ABTB2: variants seen among roughly 807,000 people sequenced by gnomAD.
The protein encoded by ABTB2 is ankyrin repeat and BTB/POZ domain-containing protein 2.
Under a neutral mutation model 104.1 loss-of-function variants are expected in ABTB2, and 56 were observed. The observed-to-expected ratio is 0.54, with a 90% confidence interval of 0.43 to 0.67. ABTB2 has a LOEUF of 0.67. ABTB2 is among the 30% of genes least tolerant of loss of function. The probability of loss-of-function intolerance (pLI) is 0.00; values close to 1 mark genes in which losing one functional copy is unlikely to be tolerated. For synonymous variants in ABTB2, 606 were observed against 608.2 expected (o/e 1.00, Z 0.05); for missense variants, 1,279 against 1,407.7 (o/e 0.91, Z 1.46).
chr11:34,164,131 G>GCTTTTCCAGCCCCA (rs1554980065), intron 9 of ABTB2, among the ~76,000 whole-genome samples: 5 of 149,738 alleles, frequency 3.3e-5, no homozygotes, highest in South Asian at 2.1e-4. Flanking sequence ...TTCCAGCCCC[G>GCTTTTCCAGCCCCA]TTTCTGCCCT....
intron 1 of ABTB2, among the ~76,000 whole-genome samples, chr11:34,294,177 T>A (rs1386761994): frequency 6.6e-6 from 1 of 151,946 alleles, no homozygotes; most frequent in Non-Finnish European, 1.5e-5. Flanking sequence ...ACAAAAAATT[T>A]AAAAAGTTAG....
rs142030807 is a variant in ABTB2, at chr11:34,322,102, C to T, written c.883+34599G>A. Among the ~76,000 whole-genome samples, 444 of 152,256 alleles carry T rather than the reference C, an allele frequency of 2.9e-3. 1 individual carries two copies. In the Middle Eastern group the frequency reaches 0.034, roughly 12 times the overall value. On this transcript the variant is annotated intron_variant, in intron 1 of 16. Transcript: ENST00000435224. Reference sequence around the variant, plus strand: ...GTTCACAGCCCTTCAGGGCTTCTAACGATCTAAGCTACATATCTGGCCAGA... The same window carrying T: ...GTTCACAGCCCTTCAGGGCTTCTAATGATCTAAGCTACATATCTGGCCAGA...
intron 3 of ABTB2, among the ~76,000 whole-genome samples, chr11:34,185,230 C>G (rs1303365912): frequency 2.0e-5 from 3 of 152,136 alleles, no homozygotes; most frequent in African/African-American, 7.2e-5. Flanking sequence ...GCTCTTGAAG[C>G]CTGATATGAG....
At chr11:34,159,082 C>T (rs1852671342) in intron 14 of ABTB2, among the ~76,000 whole-genome samples, 1 of 152,240 alleles carries the variant, frequency 6.6e-6, no homozygotes, top group Non-Finnish European at 1.5e-5. Flanking sequence ...GCGGTTAGAG[C>T]TCAGGACCCA....
At chr11:34,260,234 G>A (rs1191402469) in intron 1 of ABTB2, among the ~76,000 whole-genome samples, 2 of 152,156 alleles carry the variant, frequency 1.3e-5, no homozygotes, top group South Asian at 2.1e-4. Flanking sequence ...GAGGCTTCTC[G>A]CCATGAAATC....
At chr11:34,352,007 TAA>T (rs777032402) in intron 1 of ABTB2, among the ~76,000 whole-genome samples, 2 of 152,198 alleles carry the variant, frequency 1.3e-5, no homozygotes, top group Non-Finnish European at 1.5e-5. Flanking sequence ...ATAAAATGGT[TAA>T]AGAGATAGGA....
At chr11:34,220,294 C>T (rs929341335) in intron 1 of ABTB2, among the ~76,000 whole-genome samples, 1 of 152,224 alleles carries the variant, frequency 6.6e-6, no homozygotes, top group African/African-American at 2.4e-5. Context: ...TCTTGGCTGA[C>T]ATGCCGTTCT....
chr11:34,151,893 T>A lies in ABTB2; in HGVS notation c.*494A>T, dbSNP rs946915507. 2 of 155,730 alleles carry A rather than the reference T, an allele frequency of 1.3e-5. No homozygotes were observed. Among genetic ancestry groups the A allele is most frequent in the African/African-American group, 2.4e-5 (1 of 41,490 alleles). 9.6% of individuals were successfully genotyped at this position (155,730 alleles called of 1,614,324 possible). A position where few individuals can be genotyped will look rare whatever the true frequency, so the allele number is the denominator to read the frequency against. On this transcript the variant is annotated 3_prime_UTR_variant, in exon 17 of 17. Transcript: ENST00000435224. ...GGGGATTTGGGCAGCCTTTGCTATGTGACATTTAGGAAGAAAAATACCAGC... is the reference window on the plus strand; with the variant it reads ...GGGGATTTGGGCAGCCTTTGCTATGAGACATTTAGGAAGAAAAATACCAGC...
intron 1 of ABTB2, among the ~76,000 whole-genome samples, chr11:34,345,346 C>T (rs1390172307): frequency 6.6e-6 from 1 of 152,194 alleles, no homozygotes; most frequent in African/African-American, 2.4e-5. Flanking sequence ...TGATTCCCCT[C>T]ACTCTGCCTC....
chr11:34,306,995 AAAAAAAAAAG>A (rs1287673610), intron 1 of ABTB2, among the ~76,000 whole-genome samples: 5 of 151,566 alleles, frequency 3.3e-5, no homozygotes, highest in South Asian at 2.1e-4. Flanking sequence ...AAAAAAAAAA[AAAAAAAAAAG>A]AAAGAAAAAA....
intron 1 of ABTB2, among the ~76,000 whole-genome samples, chr11:34,338,453 T>C (rs1197073958): frequency 6.6e-6 from 1 of 151,464 alleles, no homozygotes; most frequent in African/African-American, 2.4e-5. Flanking sequence ...TCCTGGCACT[T>C]TGGGAGGTCG....
chr11:34,172,401 T>G (rs1189233527), intron 4 of ABTB2, among the ~76,000 whole-genome samples: 1 of 38,856 alleles, frequency 2.6e-5, no homozygotes. Flanking sequence ...AAAAAATATA[T>G]ATATATATAT....
Position 34,336,668 on chromosome 11 carries a change from A to T in ABTB2, c.883+20033T>A, listed in dbSNP as rs540963021. ...AAAAAAAAACAAAACAAACAAACAA[A>T]CAAAAAAAAGCAGCTTACCTGCAGT... On this transcript the variant is annotated intron_variant, in intron 1 of 16. Coordinates refer to ENST00000435224, the MANE Select transcript of ABTB2 (RefSeq NM_145804.3). 1.3e-4 allele frequency among the ~76,000 whole-genome samples: 20 copies of T among 151,888 alleles called. No homozygotes were observed. The South Asian group carries it at 4.0e-3, about 30-fold the overall frequency.
rs768237445 is a variant in ABTB2 at position 34,197,345 on chromosome 11, T to C, written c.1224A>G (p.Arg408=). 10 of 1,613,884 alleles carry C rather than the reference T, an allele frequency of 6.2e-6. No homozygotes were observed. Among genetic ancestry groups the C allele is most frequent in the Non-Finnish European group, 2.5e-6 (3 of 1,180,012 alleles). ...SMENPNLDPP[R]MTLNNERPFM... is the part of the protein sequence containing the mutation. ...CCTACCGTTCATTGTTCAAGGTCAT[T>C]CTCGGGGGGTCCAGGTTGGGGTTCT... Residue 408 remains arginine (R), a synonymous_variant, in exon 3 of 17, where the codon AGA becomes AGG. Transcript: ENST00000435224.
At chr11:34,168,097 C>G in intron 5 of ABTB2, 105 bp from the exon 6 acceptor site, 1 of 1,147,730 alleles carries the variant, frequency 8.7e-7, no homozygotes, top group Non-Finnish European at 1.3e-6. Context: ...CCCCGCCACC[C>G]CAGCCGAGCA....
rs192252915 is a variant in ABTB2, at chr11:34,330,098, A to C, written c.883+26603T>G. ...AACAGGTCTTGGGTAACGACAAAGC[A>C]CTGATCTCAGGACTCCTGACTTCTG... On this transcript the variant is annotated intron_variant, in intron 1 of 16. Coordinates refer to ENST00000435224, the MANE Select transcript of ABTB2 (RefSeq NM_145804.3). Among the ~76,000 whole-genome samples the C allele has an allele frequency of 5.1e-4, 77 of 152,312 alleles. No individual in the cohort carries two copies. In the East Asian group the frequency reaches 0.014, roughly 28 times the overall value.
At chr11:34,167,808 T>C in intron 6 of ABTB2, 95 bp downstream of exon 6, 12 of 1,305,090 alleles carry the variant, frequency 9.2e-6, no homozygotes, top group South Asian at 1.2e-5. Flanking sequence ...ATCTACTCAG[T>C]TGCCCAAAAC....
At chr11:34,236,679 C>T (rs184188262) in intron 1 of ABTB2, among the ~76,000 whole-genome samples, 8 of 152,242 alleles carry the variant, frequency 5.3e-5, no homozygotes, top group South Asian at 4.2e-4. Flanking sequence ...ATTGAGATGC[C>T]GATACATCAG....
At chr11:34,251,426 G>A (rs181430754) in intron 1 of ABTB2, among the ~76,000 whole-genome samples, 528 of 152,280 alleles carry the variant, frequency 3.5e-3, no homozygotes, top group Non-Finnish European at 6.3e-3. Flanking sequence ...CACAGCTCCC[G>A]ACACTGTCTC....
Sources: gnomAD v4.1 joint callset for allele counts (sites outside exome capture counted in the v4.1 genomes callset) on GRCh38, gnomAD v4.1.1 for gene constraint, MANE v1.5 for transcripts, NCBI Gene and HGNC (gene_info 2026-07-23, HGNC 2026-07-21) for gene names.